The following BCHE variants were observed in gnomAD, a reference collection of about 807,000 sequenced individuals.
BCHE encodes cholinesterase.
Under a neutral mutation model 51.3 loss-of-function variants are expected in BCHE, and 48 were observed. The observed-to-expected ratio is 0.94, with a 90% confidence interval of 0.74 to 1.19. The LOEUF (loss-of-function observed/expected upper bound fraction) is 1.19. BCHE is among the 50% of genes most tolerant of loss of function. The pLI, the probability that BCHE is intolerant of heterozygous loss-of-function variation, is 0.00. For synonymous variants in BCHE, 251 were observed against 238.0 expected (o/e 1.05, Z -0.50); for missense variants, 847 against 708.2 (o/e 1.20, Z -2.23).
intron 3 of BCHE, among the ~76,000 whole-genome samples, chr3:165,777,074 C>T (rs1712500412): frequency 6.6e-6 from 1 of 151,228 alleles, no homozygotes; most frequent in Admixed American, 6.6e-5. Context: ...AAAATCAAGG[C>T]CAAAAAATAA....
chr3:165,799,403 C>G lies in BCHE; in HGVS notation c.1518-13092G>C, dbSNP rs73028208. Reference sequence around the variant, plus strand: ...GTATCATTTTATGTATTAATATACACAGTGTCTAATATGCAATGAGGGGAT... The same window carrying G: ...GTATCATTTTATGTATTAATATACAGAGTGTCTAATATGCAATGAGGGGAT... On this transcript the variant is annotated intron_variant, in intron 2 of 3. Transcript: ENST00000264381. 7.3e-3 allele frequency among the ~76,000 whole-genome samples: 1,118 copies of G among 152,174 alleles called. 14 individuals are homozygous for G. Among genetic ancestry groups the G allele is most frequent in the African/African-American group, 0.025 (1,035 of 41,536 alleles).
At chr3:165,824,465 T>G (rs6790532) in intron 2 of BCHE, among the ~76,000 whole-genome samples, 134,179 of 151,944 alleles carry the variant, frequency 0.88, 59,449 homozygotes, top group East Asian at 0.92. Context: ...ATACCAAAAT[T>G]GTGAACTCAT....
rs542506217 is a variant in BCHE, at chr3:165,773,592, T to C, written c.1685-86A>G. ...ATAATTTCGAATACAAAAGCCATTT[T>C]CTCTAACTACACAGTACAGCATTAT... is the stretch of plus-strand genomic sequence containing the variant. On this transcript the variant is annotated intron_variant, in intron 3 of 3. Transcript: ENST00000264381. 7.7e-5 allele frequency: 88 copies of C among 1,146,768 alleles called. No individual in the cohort carries two copies. The African/African-American group carries it at 1.1e-3, about 14-fold the overall frequency. 71.0% of individuals were successfully genotyped at this position (1,146,768 alleles called of 1,614,324 possible). A position where few individuals can be genotyped will look rare whatever the true frequency, so the allele number is the denominator to read the frequency against.
chr3:165,836,930 AT>A (rs1376709725), intron 1 of BCHE, among the ~76,000 whole-genome samples: 2 of 152,156 alleles, frequency 1.3e-5, no homozygotes, highest in African/African-American at 4.8e-5. Flanking sequence ...AGGAAGACTA[AT>A]CAAAGATTAC....
intron 2 of BCHE, among the ~76,000 whole-genome samples, chr3:165,809,872 G>A (rs1229902000): frequency 6.6e-6 from 1 of 152,064 alleles, no homozygotes; most frequent in African/African-American, 2.4e-5. Context: ...TTCTTCAACT[G>A]TCAACTTTTT....
rs370077923 is a variant in BCHE at position 165,830,358 on chromosome 3, T to C, written c.676A>G (p.Ser226Gly). The C allele has an allele frequency of 1.4e-4, 219 of 1,613,896 alleles. No homozygotes were observed. The highest frequency in any genetic ancestry group is 1.8e-4 in the Non-Finnish European group (209 of 1,179,956). ...NPKSVTLFGE[S>G]AGAASVSLHL... ...AGGCTAACTGAAGCTGCTCCTGCACTTTCTCCAAAGAGAGTTACACTTTTA... is the reference window on the plus strand; with the variant it reads ...AGGCTAACTGAAGCTGCTCCTGCACCTTCTCCAAAGAGAGTTACACTTTTA... Residue 226 changes from serine (S) to glycine (G), a missense_variant, in exon 2 of 4, where the codon AGT becomes GGT. Physicochemically the swap from Ser to Gly is moderately conservative, Grantham distance 56. Coordinates refer to ENST00000264381, the MANE Select transcript of BCHE (RefSeq NM_000055.4).
At chr3:165,795,233 C>T (rs1422448442) in intron 2 of BCHE, among the ~76,000 whole-genome samples, 1 of 152,144 alleles carries the variant, frequency 6.6e-6, no homozygotes, top group Non-Finnish European at 1.5e-5. Flanking sequence ...CATAGCAAAA[C>T]GTTTGACTTC....
chr3:165,777,198 A>T (rs1178362121), intron 3 of BCHE, among the ~76,000 whole-genome samples: 1 of 151,954 alleles, frequency 6.6e-6, no homozygotes, highest in Non-Finnish European at 1.5e-5. Context: ...ATTTCATGCA[A>T]CTTTATTATT....
At chr3:165,816,689 C>A (rs568967433) in intron 2 of BCHE, among the ~76,000 whole-genome samples, 2 of 152,130 alleles carry the variant, frequency 1.3e-5, no homozygotes, top group Non-Finnish European at 2.9e-5. Context: ...TACGGATACT[C>A]CTTTCCTGAA....
intron 1 of BCHE, among the ~76,000 whole-genome samples, chr3:165,832,442 G>A (rs895545762): frequency 1.3e-5 from 2 of 151,974 alleles, no homozygotes; most frequent in Non-Finnish European, 2.9e-5. Context: ...ACAGGTGTAT[G>A]GCACCACACC....
At chr3:165,819,554 A>G (rs1006954456) in intron 2 of BCHE, among the ~76,000 whole-genome samples, 2 of 152,108 alleles carry the variant, frequency 1.3e-5, no homozygotes, top group African/African-American at 4.8e-5. Flanking sequence ...ACTACTTTTT[A>G]TATGGTTTAT....
At chr3:165,792,470 A>C (rs866627560) in intron 2 of BCHE, among the ~76,000 whole-genome samples, 2 of 152,294 alleles carry the variant, frequency 1.3e-5, no homozygotes, top group Middle Eastern at 3.4e-3. Flanking sequence ...CGACATCATA[A>C]AACTCAAATA....
Position 165,830,355 on chromosome 3 carries a change from C to A in BCHE, c.679G>T (p.Ala227Ser), listed in dbSNP as rs1714917415. 1.2e-6 allele frequency: 2 copies of A among 1,614,010 alleles called. No individual in the cohort carries two copies. Among genetic ancestry groups the A allele is most frequent in the Non-Finnish European group, 8.5e-7 (1 of 1,179,954 alleles). Residue 227 changes from alanine to serine, a missense_variant, in exon 2 of 4, where the codon GCA (alanine) becomes TCA (serine). By Grantham distance (99) the Ala-to-Ser change is moderately conservative. Transcript: ENST00000264381. ...TGCAGGCTAACTGAAGCTGCTCCTG[C>A]ACTTTCTCCAAAGAGAGTTACACTT... ...PKSVTLFGES[A>S]GAASVSLHLL...
rs763725995 is a variant in BCHE at position 165,830,293 on chromosome 3, T to C, written c.741A>G (p.Arg247=). The change falls in exon 2 of 4, where the codon AGA becomes AGG. Residue 247 remains arginine, a synonymous_variant. Transcript: ENST00000264381. ...LSPGSHSLFT[R]AILQSGSFNA... Reference sequence around the variant, plus strand: ...TAAAGGATCCACTTTGCAGAATGGCTCTGGTGAACAATGAATGGCTTCCAG... The same window carrying C: ...TAAAGGATCCACTTTGCAGAATGGCCCTGGTGAACAATGAATGGCTTCCAG... 24 of 1,613,894 alleles carry C rather than the reference T, an allele frequency of 1.5e-5. No homozygotes were observed. In the South Asian group the frequency reaches 2.3e-4, roughly 16 times the overall value.
At chr3:165,828,078 G>A in intron 2 of BCHE, 1 of 455,760 alleles carries the variant, frequency 2.2e-6, no homozygotes, top group Non-Finnish European at 4.4e-6. Flanking sequence ...AGCTTACAAT[G>A]AAAGAGGAAA....
At chr3:165,791,734 C>G (rs1265215247) in intron 2 of BCHE, among the ~76,000 whole-genome samples, 1 of 152,124 alleles carries the variant, frequency 6.6e-6, no homozygotes, top group East Asian at 1.9e-4. Flanking sequence ...AGGCGGATCA[C>G]TTGAGGTCAG....
chr3:165,829,444 C>T, intron 2 of BCHE, 73 bp downstream of exon 2: 1 of 1,276,872 alleles, frequency 7.8e-7, no homozygotes, highest in East Asian at 2.3e-5. Flanking sequence ...TAAAGTCTAC[C>T]CCAGAGACCA....
chr3:165,786,065 G>A lies in BCHE; in HGVS notation c.1684+80C>T, dbSNP rs115228750. ...AGATACATATAGTAACTCCATCACC[G>A]TGCCTTGGAGAGTATACTTCATCCC... On this transcript the variant is annotated intron_variant, in intron 3 of 3. Transcript: ENST00000264381. 4.1e-4 allele frequency: 592 copies of A among 1,436,452 alleles called. 4 individuals are homozygous for A. In the African/African-American group the frequency reaches 6.4e-3, roughly 16 times the overall value. 89.0% of individuals were successfully genotyped at this position (1,436,452 alleles called of 1,614,324 possible).
At chr3:165,831,500 T>A (rs938613616) in intron 1 of BCHE, among the ~76,000 whole-genome samples, 1 of 152,176 alleles carries the variant, frequency 6.6e-6, no homozygotes, top group Non-Finnish European at 1.5e-5. Context: ...AATTGTTAAG[T>A]AGGTTAAGAA....
Sources: allele counts gnomAD v4.1 joint callset (sites outside exome capture counted in the v4.1 genomes callset), GRCh38; gene constraint gnomAD v4.1.1; transcripts MANE v1.5; gene names NCBI Gene and HGNC (gene_info 2026-07-23, HGNC 2026-07-21).